The following OR4M1 variants were observed in gnomAD, a reference collection of about 807,000 sequenced individuals.
OR4M1 encodes the protein olfactory receptor family 4 subfamily M member 1, also known as olfactory receptor 4M1.
OR4M1 carries 7 observed loss-of-function variants against 9.8 expected under a neutral mutation model. The ratio of observed to expected loss-of-function variants is 0.71; its 90% confidence interval spans 0.41 to 1.34. OR4M1 has a LOEUF of 1.34. OR4M1 is among the 40% of genes most tolerant of loss of function. The probability of loss-of-function intolerance (pLI) is 0.01; values close to 1 mark genes in which losing one functional copy is unlikely to be tolerated. For missense variants in OR4M1, 331 were observed against 380.4 expected (o/e 0.87, Z 1.08); for synonymous variants, 121 against 139.8 (o/e 0.87, Z 0.95).
At position 19,780,371 on chromosome 14, in the gene OR4M1, C is replaced by T. The variant is rs1878435348; in HGVS notation, c.49C>T (p.Leu17=). 1 of 1,613,956 alleles carries T rather than the reference C, an allele frequency of 6.2e-7. No individual in the cohort carries two copies. Among genetic ancestry groups the T allele is most frequent in the African/African-American group, 1.3e-5 (1 of 74,948 alleles). Residue 17 remains leucine, a synonymous_variant, in exon 2 of 2, where the codon CTA becomes TTA. Coordinates refer to ENST00000641200, the MANE Select transcript of OR4M1 (RefSeq NM_001005500.2). ...TKVTEFVLTG[L]SQTREVQLVL... ...GGTGACAGAATTTGTTCTCACTGGCCTATCCCAGACTCGGGAGGTCCAACT... is the reference window on the plus strand; with the variant it reads ...GGTGACAGAATTTGTTCTCACTGGCTTATCCCAGACTCGGGAGGTCCAACT...
chr14:19,778,252 A>G (rs1391096668), intron 1 of OR4M1, among the ~76,000 whole-genome samples: 1 of 152,228 alleles, frequency 6.6e-6, no homozygotes, highest in Admixed American at 6.6e-5. Context: ...TCTTTTCAAG[A>G]CATCAACACT....
chr14:19,776,980 A>C (rs1287607514), intron 1 of OR4M1, among the ~76,000 whole-genome samples: 3 of 143,050 alleles, frequency 2.1e-5, no homozygotes, highest in East Asian at 2.1e-4. Context: ...TCTTCTCTCC[A>C]AATAGTTATT....
In OR4M1 at chr14:19,780,543, C is replaced by G; in HGVS notation, c.221C>G (p.Ser74Cys). Reference sequence around the variant, plus strand: ...CTGGCCCTCCTTGATATTTGGTACTCTTCCATTACAGCCCCTAAAATGCTC... The same window carrying G: ...CTGGCCCTCCTTGATATTTGGTACTGTTCCATTACAGCCCCTAAAATGCTC... ...ANLALLDIWY[S>C]SITAPKMLID... The change falls in exon 2 of 2, where the codon TCT becomes TGT. Residue 74 changes from serine to cysteine, a missense_variant. Physicochemically the swap from Ser to Cys is moderately radical, Grantham distance 112 (BLOSUM62 -1). This residue lies in a region of OR4M1 where 209 missense variants were observed against 200.0 expected (regional missense o/e 1.04). Transcript: ENST00000641200. 3 of 1,614,222 alleles carry G rather than the reference C, an allele frequency of 1.9e-6. No homozygotes were observed. Among genetic ancestry groups the G allele is most frequent in the Non-Finnish European group, 2.5e-6 (3 of 1,180,026 alleles).
Position 19,780,477 on chromosome 14 carries a change from A to T in OR4M1, c.155A>T (p.Asp52Val). The T allele has an allele frequency of 1.2e-6, 2 of 1,614,128 alleles. No homozygotes were observed. Among genetic ancestry groups the T allele is most frequent in the Non-Finnish European group, 8.5e-7 (1 of 1,179,990 alleles). Residue 52 changes from aspartate to valine, a missense_variant, in exon 2 of 2, where the codon GAC (aspartate) becomes GTC (valine). This residue lies in a region of OR4M1 where 209 missense variants were observed against 200.0 expected (regional missense o/e 1.04). Coordinates refer to ENST00000641200, the MANE Select transcript of OR4M1 (RefSeq NM_001005500.2). ...CTTATCATTTGCACCATCAGGCTAG[A>T]CCCTCATCTGACTTCTCCTATGTAT... is the stretch of plus-strand genomic sequence containing the variant. Reference protein sequence around the residue: ...NILIICTIRLDPHLTSPMYFL... With the variant: ...NILIICTIRLVPHLTSPMYFL...
At position 19,774,395 on chromosome 14, in the gene OR4M1, T is replaced by C. The variant is rs141577836; in HGVS notation, c.-30+802T>C. ...TCCCATCCATCCATCCATCTATCCA[T>C]TTAACAAACACATATTGAAGACCAT... On this transcript the variant is annotated intron_variant, in intron 1 of 1. Transcript: ENST00000641200. 4.4e-3 allele frequency among the ~76,000 whole-genome samples: 673 copies of C among 152,304 alleles called. 1 individual carries two copies. The highest frequency in any genetic ancestry group is 0.015 in the African/African-American group (638 of 41,552).
At chr14:19,776,014 G>C (rs1318973819) in intron 1 of OR4M1, among the ~76,000 whole-genome samples, 1 of 152,132 alleles carries the variant, frequency 6.6e-6, no homozygotes, top group South Asian at 2.1e-4. Context: ...AGGTCCCTGG[G>C]TTTCCTATAC....
chr14:19,778,319 T>G (rs184398064), intron 1 of OR4M1, among the ~76,000 whole-genome samples: 10 of 152,212 alleles, frequency 6.6e-5, no homozygotes, highest in African/African-American at 2.4e-4. Context: ...TTTGGTGGAA[T>G]GGGTATGGAG....
chr14:19,783,550 T>C lies in OR4M1; in HGVS notation c.*2286T>C, dbSNP rs1248843547. The C allele has an allele frequency of 2.6e-5, 4 of 152,318 alleles. No individual in the cohort carries two copies. The highest frequency in any genetic ancestry group is 9.6e-5 in the African/African-American group (4 of 41,480). 9.4% of individuals were successfully genotyped at this position (152,318 alleles called of 1,614,324 possible). A position where few individuals can be genotyped will look rare whatever the true frequency, so the allele number is the denominator to read the frequency against. On this transcript the variant is annotated 3_prime_UTR_variant, in exon 2 of 2. Coordinates refer to ENST00000641200, the MANE Select transcript of OR4M1 (RefSeq NM_001005500.2). The stretch of plus-strand genomic sequence containing the variant: ...TGCAATGTTGTGTCATTGAATATTG[T>C]TTCCAAATAGCTCAGTATCCTCAGC...
Position 19,783,491 on chromosome 14 carries a change from G to A in OR4M1, c.*2227G>A, listed in dbSNP as rs1878563873. 1 of 152,310 alleles carries A rather than the reference G, an allele frequency of 6.6e-6. No homozygotes were observed. Among genetic ancestry groups the A allele is most frequent in the Non-Finnish European group, 1.5e-5 (1 of 68,056 alleles). The allele number at this position is 152,310 out of a possible 1,614,324, so 9.4% of individuals were successfully genotyped here. The stretch of plus-strand genomic sequence containing the variant: ...TTAAATAATGGGCAGGGATAAGGCA[G>A]GTTAGTGTAGAAGAAATAGGTGTTA... On this transcript the variant is annotated 3_prime_UTR_variant, in exon 2 of 2. Transcript: ENST00000641200.
At chr14:19,775,966 C>A (rs1405931663) in intron 1 of OR4M1, among the ~76,000 whole-genome samples, 1 of 151,950 alleles carries the variant, frequency 6.6e-6, no homozygotes. Context: ...ATAACTACAT[C>A]ATGATATTTT....
At chr14:19,774,627 A>T (rs1410596776) in intron 1 of OR4M1, among the ~76,000 whole-genome samples, 2 of 152,260 alleles carry the variant, frequency 1.3e-5, no homozygotes, top group African/African-American at 4.8e-5. Flanking sequence ...ATATATACAA[A>T]ACTCATACAA....
chr14:19,776,552 T>C (rs865775106), intron 1 of OR4M1, among the ~76,000 whole-genome samples: 6 of 152,202 alleles, frequency 3.9e-5, no homozygotes, highest in Middle Eastern at 3.2e-3. Flanking sequence ...TAAATCTTTT[T>C]AAGCAACTTA....
chr14:19,775,041 C>T (rs1566449793), intron 1 of OR4M1, among the ~76,000 whole-genome samples: 1 of 152,238 alleles, frequency 6.6e-6, no homozygotes, highest in Non-Finnish European at 1.5e-5. Flanking sequence ...ACATCCCCGC[C>T]CTCGCTTAAC....
At chr14:19,775,719 A>T (rs1252294403) in intron 1 of OR4M1, among the ~76,000 whole-genome samples, 1 of 147,518 alleles carries the variant, frequency 6.8e-6, no homozygotes, top group East Asian at 1.9e-4. Flanking sequence ...ATATTTTAAT[A>T]TACTTTAATA....
chr14:19,774,926 C>A (rs1187537356), intron 1 of OR4M1, among the ~76,000 whole-genome samples: 1 of 151,928 alleles, frequency 6.6e-6, no homozygotes, highest in Non-Finnish European at 1.5e-5. Context: ...ACCCTTAGCT[C>A]CCCAACCTAC....
rs1878536440 is a variant in OR4M1, at chr14:19,782,679, T to C, written c.*1415T>C. 6.6e-6 allele frequency: 1 copy of C among 152,230 alleles called. No individual in the cohort carries two copies. The highest frequency in any genetic ancestry group is 2.1e-4 in the South Asian group (1 of 4,836). The allele number at this position is 152,230 out of a possible 1,614,324, so 9.4% of individuals were successfully genotyped here. A position where few individuals can be genotyped will look rare whatever the true frequency, so the allele number is the denominator to read the frequency against. On this transcript the variant is annotated 3_prime_UTR_variant, in exon 2 of 2. Transcript: ENST00000641200. ...GTTTTTTGCTTTGGGAATTTTTCCT[T>C]ATGGTGACCTTCTTCGATCTTCAAT...
At position 19,782,533 on chromosome 14, in the gene OR4M1, G is replaced by A. The variant is rs188904472; in HGVS notation, c.*1269G>A. ...AGGAATGAATATATAAAAATAAATCGTATAACTATTCCTAGAGTTACTATT... is the reference window on the plus strand; with the variant it reads ...AGGAATGAATATATAAAAATAAATCATATAACTATTCCTAGAGTTACTATT... On this transcript the variant is annotated 3_prime_UTR_variant, in exon 2 of 2. Transcript: ENST00000641200. 106 of 152,210 alleles carry A rather than the reference G, an allele frequency of 7.0e-4. No homozygotes were observed. Among genetic ancestry groups the A allele is most frequent in the African/African-American group, 2.1e-3 (87 of 41,524 alleles). 9.4% of individuals were successfully genotyped at this position (152,210 alleles called of 1,614,324 possible). A position where few individuals can be genotyped will look rare whatever the true frequency, so the allele number is the denominator to read the frequency against.
intron 1 of OR4M1, among the ~76,000 whole-genome samples, chr14:19,774,383 TC>T (rs1481326757): frequency 5.9e-5 from 9 of 152,242 alleles, no homozygotes; most frequent in Non-Finnish European, 1.5e-5. Context: ...CATCCATCCA[TC>T]CATCTATCCA....
Position 19,781,522 on chromosome 14 carries a change from T to C in OR4M1, c.*258T>C, listed in dbSNP as rs765255266. 21 of 439,982 alleles carry C rather than the reference T, an allele frequency of 4.8e-5. No homozygotes were observed. The highest frequency in any genetic ancestry group is 8.0e-5 in the Non-Finnish European group (20 of 250,118). 27.3% of individuals were successfully genotyped at this position (439,982 alleles called of 1,614,324 possible). On this transcript the variant is annotated 3_prime_UTR_variant, in exon 2 of 2. Coordinates refer to ENST00000641200, the MANE Select transcript of OR4M1 (RefSeq NM_001005500.2). Reference sequence around the variant, plus strand: ...TATAATAATAATCTGCTAAAGTACATTTTAACTAATTGTTTATTGAGTAAC... The same window carrying C: ...TATAATAATAATCTGCTAAAGTACACTTTAACTAATTGTTTATTGAGTAAC...
Sources: allele counts gnomAD v4.1 joint callset (sites outside exome capture counted in the v4.1 genomes callset), GRCh38; gene constraint gnomAD v4.1.1; regional missense constraint gnomAD v4.1.1; transcripts MANE v1.5; gene names NCBI Gene and HGNC (gene_info 2026-07-23, HGNC 2026-07-21).